Variants in TBX15 observed in about 807,000 individuals in gnomAD.
The protein encoded by TBX15 is T-box transcription factor TBX15.
TBX15 carries 18 observed loss-of-function variants against 53.9 expected under a neutral mutation model. The ratio of observed to expected loss-of-function variants is 0.33; its 90% CI spans 0.23 to 0.49. The LOEUF (loss-of-function observed/expected upper bound fraction) is 0.49. Ranked by LOEUF, TBX15 falls within the 20% of genes least tolerant of loss-of-function variation. The pLI is 0.98. For missense variants in TBX15, 692 were observed against 749.5 expected (o/e 0.92, Z 0.90); for synonymous variants, 295 against 278.0 (o/e 1.06, Z -0.61).
At chr1:118,890,807 GA>G (rs1159674845) in intron 7 of TBX15, 1 of 1,121,082 alleles carries the variant, frequency 8.9e-7, no homozygotes, top group Non-Finnish European at 1.2e-6. Context: ...CCCCAAAATT[GA>G]AAAACAGTAA....
intron 1 of TBX15, among the ~76,000 whole-genome samples, chr1:118,979,763 C>CGGGTCCCGGGTTTCCA (rs767091846): frequency 3.9e-5 from 6 of 152,340 alleles, no homozygotes; most frequent in Non-Finnish European, 7.4e-5. Context: ...CTCAGGGTTC[C>CGGGTCCCGGGTTTCCA]GGGTCCCGGG....
At chr1:118,930,945 T>C (rs941708300) in intron 2 of TBX15, among the ~76,000 whole-genome samples, 1 of 152,250 alleles carries the variant, frequency 6.6e-6, no homozygotes, top group East Asian at 1.9e-4. Context: ...ATAGGGTTCC[T>C]GTAAGTTTCA....
At chr1:118,890,607 C>T (rs544520525) in intron 7 of TBX15, among the ~76,000 whole-genome samples, 4 of 152,238 alleles carry the variant, frequency 2.6e-5, no homozygotes, top group South Asian at 2.1e-4. Flanking sequence ...GCAGTAATTC[C>T]GTATGAGGAC....
chr1:118,986,276 G>C (rs1657833480), intron 1 of TBX15, among the ~76,000 whole-genome samples: 1 of 152,194 alleles, frequency 6.6e-6, no homozygotes, highest in Non-Finnish European at 1.5e-5. Context: ...GCCCACGCAG[G>C]GGTCCGCGTG....
In TBX15 at chr1:118,940,731, A is replaced by T. The variant is rs201975615; in HGVS notation, c.206-8899T>A. Among the ~76,000 whole-genome samples the T allele has an allele frequency of 3.9e-3, 584 of 151,146 alleles. 16 individuals carry two copies. Among genetic ancestry groups the T allele is most frequent in the Middle Eastern group, 0.01 (3 of 290 alleles). On this transcript the variant is annotated intron_variant, in intron 1 of 7. Coordinates refer to ENST00000369429, the MANE Select transcript of TBX15 (RefSeq NM_001330677.2). ...TGACCAAGCATATCAGAAAAACAAA[A>T]AAAAATAAATAAAGGACAAATATGG... is the stretch of plus-strand genomic sequence containing the variant.
intron 1 of TBX15, among the ~76,000 whole-genome samples, chr1:118,936,307 C>G (rs1655964002): frequency 6.6e-6 from 1 of 152,160 alleles, no homozygotes; most frequent in Non-Finnish European, 1.5e-5. Flanking sequence ...ATTGCATACA[C>G]TTTTAGTCTA....
chr1:118,889,804 A>AG (rs1654075922), intron 7 of TBX15, among the ~76,000 whole-genome samples: 3 of 142,948 alleles, frequency 2.1e-5, no homozygotes, highest in Admixed American at 2.0e-4. Context: ...CATTAATTTA[A>AG]AAAAAAAAAA....
chr1:118,921,388 G>A (rs1032474606), intron 5 of TBX15, among the ~76,000 whole-genome samples: 1 of 152,114 alleles, frequency 6.6e-6, no homozygotes. Flanking sequence ...GTTGAAAATC[G>A]TGTTGATTGC....
intron 6 of TBX15, among the ~76,000 whole-genome samples, chr1:118,899,595 T>C (rs987596834): frequency 1.3e-5 from 2 of 152,154 alleles, no homozygotes; most frequent in African/African-American, 4.8e-5. Context: ...CAAACTGCTG[T>C]GGTTTTAAAG....
intron 7 of TBX15, among the ~76,000 whole-genome samples, chr1:118,892,273 A>C (rs1766783): frequency 0.87 from 132,878 of 152,244 alleles, 58,447 homozygotes; most frequent in African/African-American, 0.97. Context: ...AAAATGCTGG[A>C]AACTTTTCAA....
rs1460917049 is a variant in TBX15, at chr1:118,923,534, G to A, written c.763C>T (p.Leu255Phe). ...HVIRKDFSSDLSPTKPVPVGD... is the reference protein window; with the variant it reads ...HVIRKDFSSDFSPTKPVPVGD... ...ACAGGAACAGGCTTAGTGGGTGAAA[G>A]GTCACTGCTGAAGTCTTTGCGAATC... is the stretch of plus-strand genomic sequence containing the variant. Residue 255 changes from leucine to phenylalanine, a missense_variant, in exon 5 of 8, where the codon CTT becomes TTT. Coordinates refer to ENST00000369429, the MANE Select transcript of TBX15 (RefSeq NM_001330677.2). 3.7e-6 allele frequency: 6 copies of A among 1,613,912 alleles called. No individual in the cohort carries two copies. The highest frequency in any genetic ancestry group is 1.3e-5 in the African/African-American group (1 of 74,924).
intron 6 of TBX15, among the ~76,000 whole-genome samples, chr1:118,909,296 C>T (rs958732826): frequency 6.6e-6 from 1 of 152,180 alleles, no homozygotes; most frequent in South Asian, 2.1e-4. Context: ...GTGGCATAAG[C>T]GAGAAGGCTG....
chr1:118,987,940 C>G lies in TBX15; in HGVS notation c.-145G>C. 1 of 958,352 alleles carries G rather than the reference C, an allele frequency of 1.0e-6. No individual in the cohort carries two copies. Among genetic ancestry groups the G allele is most frequent in the Non-Finnish European group, 1.5e-6 (1 of 654,168 alleles). 59.4% of individuals were successfully genotyped at this position (958,352 alleles called of 1,614,324 possible). A position where few individuals can be genotyped will look rare whatever the true frequency, so the allele number is the denominator to read the frequency against. The stretch of plus-strand genomic sequence containing the variant: ...CTGAGACTGCGGCTCGCGGGTCTCT[C>G]CACCCTCCCCCTGCGTCCTCCTCCG... On this transcript the variant is annotated 5_prime_UTR_variant, in exon 1 of 8. Coordinates refer to ENST00000369429, the MANE Select transcript of TBX15 (RefSeq NM_001330677.2).
chr1:118,936,383 A>C (rs993392320), intron 1 of TBX15, among the ~76,000 whole-genome samples: 8 of 152,184 alleles, frequency 5.3e-5, no homozygotes, highest in African/African-American at 1.7e-4. Context: ...ATCTCCACTT[A>C]ACAGTTAATT....
intron 7 of TBX15, among the ~76,000 whole-genome samples, chr1:118,893,328 A>AGGAAGGAAGGAAG (rs71070771): frequency 1.1e-5 from 1 of 91,892 alleles, no homozygotes; most frequent in African/African-American, 6.8e-5. Flanking sequence ...GAAAGAAAGA[A>AGGAAGGAAGGAAG]GAAAGAAGGA....
rs1168229473 is a variant in TBX15, at chr1:118,885,264, C to G, written c.1277G>C (p.Ser426Thr). The part of the protein sequence containing the change: ...LSDSGYNRLQ[S>T]GTTSATQPSE... ...GGGCTGAGTGGCTGAAGTGGTGCCA[C>G]TCTGAAGCCTGTTGTAGCCACTGTC... is the stretch of plus-strand genomic sequence containing the variant. The change falls in exon 8 of 8, where the codon AGT becomes ACT. Residue 426 changes from serine (S) to threonine (T), a missense_variant. Coordinates refer to ENST00000369429, the MANE Select transcript of TBX15 (RefSeq NM_001330677.2). 4 of 1,614,088 alleles carry G rather than the reference C, an allele frequency of 2.5e-6. No homozygotes were observed. The Admixed American group carries it at 6.7e-5, about 27-fold the overall frequency.
intron 2 of TBX15, among the ~76,000 whole-genome samples, chr1:118,927,846 G>T (rs1328270482): frequency 6.6e-6 from 1 of 152,160 alleles, no homozygotes; most frequent in Non-Finnish European, 1.5e-5. Flanking sequence ...TATCAAGCCG[G>T]ACATAAAAAG....
chr1:118,972,125 G>A (rs1307110681), intron 1 of TBX15, among the ~76,000 whole-genome samples: 1 of 152,132 alleles, frequency 6.6e-6, no homozygotes, highest in African/African-American at 2.4e-5. Flanking sequence ...AAACACCCTG[G>A]TGCCATTTTG....
At chr1:118,911,823 A>G (rs6680779) in intron 6 of TBX15, among the ~76,000 whole-genome samples, 2,152 of 152,282 alleles carry the variant, frequency 0.014, 46 homozygotes, top group African/African-American at 0.05. Flanking sequence ...TCTACTGCCC[A>G]GAGTGCATAG....
Sources: gnomAD v4.1 joint callset for allele counts (sites outside exome capture counted in the v4.1 genomes callset) on GRCh38, gnomAD v4.1.1 for gene constraint, MANE v1.5 for transcripts, NCBI Gene and HGNC (gene_info 2026-07-23, HGNC 2026-07-21) for gene names.